MLXIPL: variants seen among roughly 807,000 people sequenced by gnomAD.
MLXIPL encodes MLX interacting protein like, also known as carbohydrate-responsive element-binding protein.
Under a neutral mutation model 81.5 loss-of-function variants are expected in MLXIPL, and 49 were observed. That is an observed-to-expected ratio of 0.60 (90% CI 0.48 to 0.76). The LOEUF (loss-of-function observed/expected upper bound fraction) is 0.76. Ranked by LOEUF, MLXIPL falls within the 30% of genes least tolerant of loss-of-function variation. The pLI is 0.00. For synonymous variants in MLXIPL, 466 were observed against 485.5 expected (o/e 0.96, Z 0.53); for missense variants, 1,053 against 1,167.0 (o/e 0.90, Z 1.42).
chr7:73,616,105 C>T lies in MLXIPL; in HGVS notation c.366G>A (p.Leu122=), dbSNP rs1006361148. The T allele has an allele frequency of 3.7e-6, 6 of 1,613,892 alleles. No individual in the cohort carries two copies. Among genetic ancestry groups the T allele is most frequent in the Non-Finnish European group, 5.1e-6 (6 of 1,180,010 alleles). Residue 122 remains leucine (L), a synonymous_variant, in exon 2 of 17, where the codon CTG becomes CTA. Transcript: ENST00000313375. ...ACCAGGCCCTCCAGATGGCGTTGTT[C>T]AGGCGGATCTTGTCTCTGCAGAGCA... ...LKLLCRDKIR[L]NNAIWRAWYI...
At chr7:73,617,012 TTTTTGGTTTGC>T (rs1165457370) in intron 1 of MLXIPL, among the ~76,000 whole-genome samples, 41 of 152,012 alleles carry the variant, frequency 2.7e-4, no homozygotes, top group African/African-American at 8.9e-4. Flanking sequence ...GGTTTGGTTT[TTTTTGGTTTGC>T]TTTTGGTTTT....
At chr7:73,628,818 TG>T (rs1158738902), upstream of MLXIPL, among the ~76,000 whole-genome samples, 9 of 152,200 alleles carry the variant, frequency 5.9e-5, no homozygotes, top group African/African-American at 2.2e-4. Context: ...TCATGGTCCA[TG>T]GAGATGCAAG....
At chr7:73,646,505 T>TCCCAACCCCAGCCTGAGC in the MLXIPL span, among the ~76,000 whole-genome samples, 2 of 151,942 alleles carry the variant, frequency 1.3e-5, no homozygotes, top group Admixed American at 1.3e-4. Context: ...CCAGGCTGAG[T>TCCCAACCCCAGCCTGAGC]CCCAACCCCA....
rs371223699 is a variant in MLXIPL at position 73,597,534 on chromosome 7, G to C, written c.1251C>G (p.Pro417=). The change falls in exon 9 of 17, where the codon CCC becomes CCG. Residue 417 remains proline, a synonymous_variant. Coordinates refer to ENST00000313375, the MANE Select transcript of MLXIPL (RefSeq NM_032951.3). The part of the protein sequence containing the change: ...LEPCPPPPFP[P]MAPPTALLQE... Reference sequence around the variant, plus strand: ...GCAGCAAAGCAGTGGGTGGTGCCATGGGAGGGAAGGGAGGTGGGGGGCAGG... The same window carrying C: ...GCAGCAAAGCAGTGGGTGGTGCCATCGGAGGGAAGGGAGGTGGGGGGCAGG... 115 of 1,380,604 alleles carry C rather than the reference G, an allele frequency of 8.3e-5. 1 individual carries two copies. In the African/African-American group the frequency reaches 1.5e-3, roughly 19 times the overall value. The allele number at this position is 1,380,604 out of a possible 1,614,324, so 85.5% of individuals were successfully genotyped here. A position where few individuals can be genotyped will look rare whatever the true frequency, so the allele number is the denominator to read the frequency against.
chr7:73,607,027 A>T lies in MLXIPL; in HGVS notation c.574-9T>A. Reference sequence around the variant, plus strand: ...CTGCTGGGCTTACGGAGCTGCAGGGACACACAGAGTTGGACACCGGATCCC... The same window carrying T: ...CTGCTGGGCTTACGGAGCTGCAGGGTCACACAGAGTTGGACACCGGATCCC... On this transcript the variant is annotated splice_polypyrimidine_tract_variant and intron_variant, in intron 4 of 16. Transcript: ENST00000313375. The T allele has an allele frequency of 6.2e-7, 1 of 1,613,322 alleles. No homozygotes were observed. The highest frequency in any genetic ancestry group is 1.1e-5 in the South Asian group (1 of 90,812).
chr7:73,596,125 G>T lies in MLXIPL; in HGVS notation c.2058+28C>A. On this transcript the variant is annotated intron_variant, in intron 13 of 16. Transcript: ENST00000313375. The surrounding 1 kb of genome is among the most constrained non-coding windows in gnomAD (Gnocchi z 4.7). The stretch of plus-strand genomic sequence containing the variant: ...TCCAGAAAGGGGCCCTGTGGTTTTG[G>T]GGGTGCCAGCCTGGGCCCGGGGCTC... 3.7e-6 allele frequency: 6 copies of T among 1,609,196 alleles called. No individual in the cohort carries two copies. The highest frequency in any genetic ancestry group is 5.1e-6 in the Non-Finnish European group (6 of 1,178,942).
chr7:73,643,982 C>A, the MLXIPL span, among the ~76,000 whole-genome samples: 5 of 151,934 alleles, frequency 3.3e-5, no homozygotes, highest in Non-Finnish European at 7.4e-5. Flanking sequence ...GTTGCCCAGG[C>A]TGGTCTCAAA....
chr7:73,629,973 TTTTTATTTA>T, the MLXIPL span, among the ~76,000 whole-genome samples: 7 of 93,640 alleles, frequency 7.5e-5, no homozygotes, highest in Non-Finnish European at 1.1e-4. Context: ...TTTTTTATTA[TTTTTATTTA>T]TTTATTTATT....
chr7:73,633,626 AT>A, the MLXIPL span, among the ~76,000 whole-genome samples: 1 of 150,898 alleles, frequency 6.6e-6, no homozygotes, highest in Non-Finnish European at 1.5e-5. Context: ...GCTAATTTTT[AT>A]TTTTTTTGTA....
intron 2 of MLXIPL, chr7:73,611,413 A>G (rs540044408): frequency 7.9e-5 from 12 of 152,362 alleles, no homozygotes; most frequent in Non-Finnish European, 1.6e-4. Flanking sequence ...TTCCTGCCCC[A>G]GCCAACTTCC....
chr7:73,621,716 TCTCTCTCCAG>T (rs1323374113), intron 1 of MLXIPL, among the ~76,000 whole-genome samples: 79 of 50,276 alleles, frequency 1.6e-3, no homozygotes, highest in Non-Finnish European at 2.1e-3. Context: ...CCTCCCTCCA[TCTCTCTCCAG>T]CTCCCTCCCT....
intron 2 of MLXIPL, among the ~76,000 whole-genome samples, chr7:73,611,826 AT>A (rs1337066832): frequency 4.6e-5 from 7 of 151,790 alleles, no homozygotes; most frequent in East Asian, 1.9e-4. Flanking sequence ...AAAAAAAAAA[AT>A]AAAATAAAAT....
rs896355143 is a variant in MLXIPL at position 73,618,619 on chromosome 7, A to T, written c.294-2442T>A. Among the ~76,000 whole-genome samples, 4 of 151,358 alleles carry T rather than the reference A, an allele frequency of 2.6e-5. No homozygotes were observed. In the East Asian group the frequency reaches 7.9e-4, roughly 30 times the overall value. On this transcript the variant is annotated intron_variant, in intron 1 of 16. Coordinates refer to ENST00000313375, the MANE Select transcript of MLXIPL (RefSeq NM_032951.3). ...CTCCCCACCAGGGACAACAGGCCTCATTACCCAAATAAGATACACAGCCCA... is the reference window on the plus strand; with the variant it reads ...CTCCCCACCAGGGACAACAGGCCTCTTTACCCAAATAAGATACACAGCCCA...
the MLXIPL span, among the ~76,000 whole-genome samples, chr7:73,632,802 C>T: frequency 2.7e-5 from 4 of 147,934 alleles, no homozygotes; most frequent in East Asian, 2.0e-4. Context: ...TTCCTTCCGA[C>T]GGAGTCTTGC....
At chr7:73,621,413 G>A (rs1796338178) in intron 1 of MLXIPL, among the ~76,000 whole-genome samples, 1 of 151,226 alleles carries the variant, frequency 6.6e-6, no homozygotes, top group Non-Finnish European at 1.5e-5. Context: ...TCTGGGTCAG[G>A]CTGGTCCCTG....
chr7:73,625,910 G>A (rs1433009893), upstream of MLXIPL, among the ~76,000 whole-genome samples: 3 of 152,186 alleles, frequency 2.0e-5, no homozygotes, highest in Non-Finnish European at 4.4e-5. Flanking sequence ...CCCTAGGCAG[G>A]CATCTACCCA....
chr7:73,635,913 G>T, the MLXIPL span, among the ~76,000 whole-genome samples: 1 of 152,202 alleles, frequency 6.6e-6, no homozygotes, highest in Non-Finnish European at 1.5e-5. Flanking sequence ...TTCAGGCAGA[G>T]GTGGGGAATG....
the MLXIPL span, among the ~76,000 whole-genome samples, chr7:73,643,513 CAA>C: frequency 4.4e-4 from 27 of 62,050 alleles, no homozygotes; most frequent in Admixed American, 7.2e-4. Flanking sequence ...GACTCCGTCT[CAA>C]AAAAAAAAAA....
At chr7:73,630,014 A>AT in the MLXIPL span, among the ~76,000 whole-genome samples, 1 of 134,364 alleles carries the variant, frequency 7.4e-6, no homozygotes, top group African/African-American at 2.7e-5. Context: ...TTATTTATTT[A>AT]TGAGACGGAG....
Sources: gnomAD v4.1 joint callset for allele counts (sites outside exome capture counted in the v4.1 genomes callset) on GRCh38, gnomAD v4.1.1 for gene constraint, Gnocchi (gnomAD v3.1) non-coding constraint, MANE v1.5 for transcripts, NCBI Gene and HGNC (gene_info 2026-07-23, HGNC 2026-07-21) for gene names.